SUMF2: variants seen among roughly 807,000 people sequenced by gnomAD.
The protein encoded by SUMF2 is sulfatase modifying factor 2.
SUMF2 carries 45 observed loss-of-function variants against 44.8 expected under a neutral mutation model. The observed-to-expected ratio is 1.00, with a 90% CI of 0.79 to 1.29. The LOEUF is 1.29. SUMF2 is among the 50% of genes most tolerant of loss of function. The pLI, the probability that SUMF2 is intolerant of heterozygous loss-of-function variation, is 0.00. For synonymous variants in SUMF2, 148 were observed against 150.4 expected (o/e 0.98, Z 0.12); for missense variants, 418 against 389.9 (o/e 1.07, Z -0.61).
chr7:56,081,992 C>T (rs1796021794), downstream of SUMF2: 1 of 1,613,840 alleles, frequency 6.2e-7, no homozygotes, highest in Admixed American at 1.7e-5. The surrounding 1 kb of genome is among the most constrained non-coding windows in gnomAD (Gnocchi z 4.6). Context: ...GCTTCCGGTG[C>T]CAGAAGGGCG....
At chr7:56,066,593 G>A (rs1021876161) in intron 1 of SUMF2, among the ~76,000 whole-genome samples, 4 of 151,746 alleles carry the variant, frequency 2.6e-5, no homozygotes, top group African/African-American at 7.3e-5. Context: ...GATTACAGGT[G>A]TACACCATCA....
chr7:56,087,312 A>G, the SUMF2 span, among the ~76,000 whole-genome samples: 1 of 151,220 alleles, frequency 6.6e-6, no homozygotes, highest in Non-Finnish European at 1.5e-5. Flanking sequence ...GCCTCAAACT[A>G]CTGGGCTTGA....
chr7:56,086,258 A>AC, the SUMF2 span, among the ~76,000 whole-genome samples: 39 of 152,184 alleles, frequency 2.6e-4, 2 homozygotes, highest in South Asian at 7.9e-3. Flanking sequence ...GATGCCTGAA[A>AC]CCATGGATAG....
chr7:56,085,012 G>A (rs151322834), downstream of SUMF2, among the ~76,000 whole-genome samples: 174 of 152,066 alleles, frequency 1.1e-3, 4 homozygotes, highest in East Asian at 0.029. Context: ...CCAGGCTGGA[G>A]TGCAGTGGCA....
At chr7:56,081,761 AGAG>A (rs1466730022), downstream of SUMF2, 1 of 1,611,694 alleles carries the variant, frequency 6.2e-7, no homozygotes, top group Non-Finnish European at 8.5e-7. This position sits in a 1 kb window ranked among gnomAD's most constrained non-coding sequence, Gnocchi z 4.6. Context: ...GAGACCTGTG[AGAG>A]GAGGAGAGGG....
the SUMF2 span, among the ~76,000 whole-genome samples, chr7:56,086,011 C>T: frequency 1.3e-5 from 2 of 151,408 alleles, no homozygotes; most frequent in Non-Finnish European, 2.9e-5. Flanking sequence ...TCATGTCACC[C>T]TCCCAGTCTT....
the SUMF2 span, among the ~76,000 whole-genome samples, chr7:56,086,561 T>C: frequency 6.6e-6 from 1 of 152,116 alleles, no homozygotes; most frequent in African/African-American, 2.4e-5. Flanking sequence ...TGATCTCGGC[T>C]CACTTCAACC....
In SUMF2 at chr7:56,078,358, C is replaced by T; in HGVS notation, c.677-6C>T. On this transcript the variant is annotated splice_polypyrimidine_tract_variant and splice_region_variant and intron_variant, in intron 7 of 8. Coordinates refer to ENST00000434526, the MANE Select transcript of SUMF2 (RefSeq NM_015411.4). ...AGCCTGGCCTGACCCGCCGGTGGGG[C>T]TGCAGGGCTCTATGACCTCCTGGGG... is the stretch of plus-strand genomic sequence containing the variant. The T allele has an allele frequency of 6.3e-7, 1 of 1,595,248 alleles. No individual in the cohort carries two copies. The highest frequency in any genetic ancestry group is 8.6e-7 in the Non-Finnish European group (1 of 1,169,138).
downstream of SUMF2, among the ~76,000 whole-genome samples, chr7:56,082,783 A>ATGGGAACC (rs1796073359): frequency 6.6e-6 from 1 of 152,042 alleles, no homozygotes; most frequent in African/African-American, 2.4e-5. Context: ...AACAAGGGTA[A>ATGGGAACC]TGGGAACCTG....
downstream of SUMF2, chr7:56,083,379 C>G: frequency 1.2e-6 from 2 of 1,614,106 alleles, no homozygotes; most frequent in Non-Finnish European, 1.7e-6. Context: ...CTTCAGGTCC[C>G]GGTGCACGAT....
chr7:56,064,529 C>T, intron 1 of SUMF2, 151 bp downstream of exon 1: 2 of 1,153,192 alleles, frequency 1.7e-6, no homozygotes, highest in South Asian at 1.5e-5. Flanking sequence ...CGTGGCGCCT[C>T]ACCGCCTTAT....
At position 56,068,561 on chromosome 7, in the gene SUMF2, T is replaced by C; in HGVS notation, c.147T>C (p.Asp49=). The C allele has an allele frequency of 6.2e-7, 1 of 1,614,048 alleles. No individual in the cohort carries two copies. The highest frequency in any genetic ancestry group is 2.2e-5 in the East Asian group (1 of 44,884). The change falls in exon 2 of 9, where the codon GAT becomes GAC. Residue 49 remains aspartate, a synonymous_variant. Transcript: ENST00000434526. ...LMGTNSPDSR[D]GDGPVREATV... Reference sequence around the variant, plus strand: ...GAACAAATTCTCCAGACAGCAGAGATGGTGACGGGCCTGTGCGGGAGGCGA... The same window carrying C: ...GAACAAATTCTCCAGACAGCAGAGACGGTGACGGGCCTGTGCGGGAGGCGA...
At chr7:56,084,665 G>A (rs114232989), downstream of SUMF2, among the ~76,000 whole-genome samples, 5 of 151,912 alleles carry the variant, frequency 3.3e-5, no homozygotes, top group Admixed American at 6.6e-5. Flanking sequence ...GAGCCACCAC[G>A]CCTGGCCGAG....
downstream of SUMF2, chr7:56,083,561 T>G: frequency 6.7e-7 from 1 of 1,494,952 alleles, no homozygotes; most frequent in Non-Finnish European, 9.3e-7. Context: ...AGCCCAGACA[T>G]GTGCACGCCC....
downstream of SUMF2, chr7:56,083,672 T>A: frequency 6.3e-7 from 1 of 1,585,938 alleles, no homozygotes. Flanking sequence ...TCACTCAAGG[T>A]GACCTTCTCA....
chr7:56,080,696 C>A, downstream of SUMF2: 1 of 304,188 alleles, frequency 3.3e-6, no homozygotes. Context: ...GATCCTCACC[C>A]TGTGACCCTA....
chr7:56,068,031 C>CTTTTTTTT (rs565131237), intron 1 of SUMF2, among the ~76,000 whole-genome samples: 1 of 110,348 alleles, frequency 9.1e-6, no homozygotes, highest in Non-Finnish European at 1.9e-5. Context: ...TTTTTTCTTT[C>CTTTTTTTT]TTTTTTTTTT....
chr7:56,074,014 CAAAAAAAAAAAA>C (rs56927689), intron 3 of SUMF2, 148 bp from the exon 4 acceptor site: 139 of 320,880 alleles, frequency 4.3e-4, no homozygotes, highest in African/African-American at 1.6e-3. Context: ...GATCTTGTCT[CAAAAAAAAAAAA>C]AAAAAAAAAA....
At chr7:56,078,248 G>C (rs1471661948) in intron 7 of SUMF2, 62 bp downstream of exon 7, 1 of 1,577,604 alleles carries the variant, frequency 6.3e-7, no homozygotes, top group East Asian at 2.3e-5. Flanking sequence ...CATCATGTCT[G>C]AGAGAGGAGG....
Sources: gnomAD v4.1 joint callset for allele counts (sites outside exome capture counted in the v4.1 genomes callset) on GRCh38, gnomAD v4.1.1 for gene constraint, Gnocchi (gnomAD v3.1) non-coding constraint, MANE v1.5 for transcripts, NCBI Gene and HGNC (gene_info 2026-07-23, HGNC 2026-07-21) for gene names.